The following STK11IP variants were observed in gnomAD, a reference collection of about 807,000 sequenced individuals.
The protein encoded by STK11IP is serine/threonine-protein kinase 11-interacting protein.
In STK11IP, 103 loss-of-function variants were observed where a neutral mutation model predicts 131.7. That is an observed-to-expected ratio of 0.78 (90% CI 0.67 to 0.92). The LOEUF (loss-of-function observed/expected upper bound fraction) is 0.92. STK11IP is among the 40% of genes least tolerant of loss of function. The probability of loss-of-function intolerance (pLI) is 0.00; values close to 1 mark genes in which losing one functional copy is unlikely to be tolerated. For synonymous variants in STK11IP, 557 were observed against 575.6 expected (o/e 0.97, Z 0.46); for missense variants, 1,315 against 1,385.7 (o/e 0.95, Z 0.81).
At chr2:219,608,547 C>T (rs1698280136) in intron 14 of STK11IP, 36 bp from the exon 15 acceptor site, 1 of 1,551,182 alleles carries the variant, frequency 6.4e-7, no homozygotes, top group Admixed American at 1.9e-5. Flanking sequence ...GGGTACTTTC[C>T]CTCCCTGCAG....
chr2:219,612,069 C>T lies in STK11IP; in HGVS notation c.2439+11C>T. 6.3e-7 allele frequency: 1 copy of T among 1,586,828 alleles called. No individual in the cohort carries two copies. Among genetic ancestry groups the T allele is most frequent in the Non-Finnish European group, 8.6e-7 (1 of 1,166,356 alleles). Reference sequence around the variant, plus strand: ...CAGTGCTGCCTCAAGGTCTGTGCTCCCTGACACTGCCCATGCCCCCAGCTG... The same window carrying T: ...CAGTGCTGCCTCAAGGTCTGTGCTCTCTGACACTGCCCATGCCCCCAGCTG... On this transcript the variant is annotated intron_variant, in intron 19 of 24. Transcript: ENST00000456909.
At chr2:219,612,134 C>A in intron 19 of STK11IP, 76 bp downstream of exon 19, 1 of 1,357,562 alleles carries the variant, frequency 7.4e-7, no homozygotes, top group Non-Finnish European at 1.0e-6. Flanking sequence ...CCAACTGAGT[C>A]AGATCAAGCA....
Position 219,612,056 on chromosome 2 carries a change from A to G in STK11IP, c.2437A>G (p.Lys813Glu). Reference sequence around the variant, plus strand: ...CCAGGAGGAGTTCCAGTGCTGCCTCAAGGTCTGTGCTCCCTGACACTGCCC... The same window carrying G: ...CCAGGAGGAGTTCCAGTGCTGCCTCGAGGTCTGTGCTCCCTGACACTGCCC... ...DAQEEFQCCL[K>E]VPVALAGHTG... Residue 813 changes from lysine to glutamate, a missense_variant and splice_region_variant, in exon 19 of 25, where the codon AAG becomes GAG. By Grantham distance (56) the Lys-to-Glu change is moderately conservative. Coordinates refer to ENST00000456909, the MANE Select transcript of STK11IP (RefSeq NM_052902.4). 6.3e-7 allele frequency: 1 copy of G among 1,598,078 alleles called. No homozygotes were observed. Among genetic ancestry groups the G allele is most frequent in the South Asian group, 1.1e-5 (1 of 88,036 alleles).
In STK11IP at chr2:219,606,308, G is replaced by A. The variant is rs1253041199; in HGVS notation, c.945+18G>A. 6.4e-7 allele frequency: 1 copy of A among 1,557,312 alleles called. No individual in the cohort carries two copies. Among genetic ancestry groups the A allele is most frequent in the Non-Finnish European group, 8.7e-7 (1 of 1,149,900 alleles). Reference sequence around the variant, plus strand: ...CTACTGGCGTGAGTGATCGTCCTGTGTCCACTCTTCTTCCCCTTTCCTGCC... The same window carrying A: ...CTACTGGCGTGAGTGATCGTCCTGTATCCACTCTTCTTCCCCTTTCCTGCC... On this transcript the variant is annotated intron_variant, in intron 10 of 24. Coordinates refer to ENST00000456909, the MANE Select transcript of STK11IP (RefSeq NM_052902.4).
In STK11IP at chr2:219,614,491, A is replaced by G. The variant is rs1698509763; in HGVS notation, c.2814A>G (p.Lys938=). 6.2e-7 allele frequency: 1 copy of G among 1,613,840 alleles called. No homozygotes were observed. Among genetic ancestry groups the G allele is most frequent in the Non-Finnish European group, 8.5e-7 (1 of 1,179,870 alleles). Residue 938 remains lysine, a synonymous_variant, in exon 23 of 25, where the codon AAA becomes AAG. Transcript: ENST00000456909. ...TTCCCTCTAGGCCATTGCTGGAAAA[A>G]GACTCATCCTTGGAGGCTCGCCAGT... ...PQHRLWPLLE[K]DSSLEARQFF...
intron 19 of STK11IP, among the ~76,000 whole-genome samples, chr2:219,612,339 G>A (rs971248563): frequency 6.6e-6 from 1 of 152,152 alleles, no homozygotes; most frequent in Non-Finnish European, 1.5e-5. Flanking sequence ...TCATCAATGG[G>A]GCCTCCTAGC....
rs537553052 is a variant in STK11IP, at chr2:219,609,294, G to A, written c.1927-69G>A. ...GGAAGTGGCAGCAGGCCTGAGGGCC[G>A]GGGGCCTGTGGGAGGTGTCCGTCTG... On this transcript the variant is annotated intron_variant, in intron 16 of 24. Coordinates refer to ENST00000456909, the MANE Select transcript of STK11IP (RefSeq NM_052902.4). 2.9e-5 allele frequency: 46 copies of A among 1,581,318 alleles called. No individual in the cohort carries two copies. In the African/African-American group the frequency reaches 3.5e-4, roughly 12 times the overall value.
At chr2:219,611,470 C>A in intron 17 of STK11IP, 134 bp from the exon 18 acceptor site, 1 of 719,248 alleles carries the variant, frequency 1.4e-6, no homozygotes, top group Non-Finnish European at 2.4e-6. Context: ...TGGCCTGGGG[C>A]GCGGTGGTTG....
rs752088652 is a variant in STK11IP, at chr2:219,601,970, C to T, written c.343-18C>T. On this transcript the variant is annotated intron_variant, in intron 4 of 24. Transcript: ENST00000456909. Reference sequence around the variant, plus strand: ...TCTGTGGGGTTCTGCCTTCCTCCCTCCTCTTTCCTTGTCCCAGCTCCGAGG... The same window carrying T: ...TCTGTGGGGTTCTGCCTTCCTCCCTTCTCTTTCCTTGTCCCAGCTCCGAGG... 7.2e-5 allele frequency: 115 copies of T among 1,599,008 alleles called. No homozygotes were observed. The highest frequency in any genetic ancestry group is 9.5e-5 in the Non-Finnish European group (111 of 1,171,850).
At chr2:219,614,582 C>T in intron 23 of STK11IP, 36 bp downstream of exon 23, 1 of 1,608,290 alleles carries the variant, frequency 6.2e-7, no homozygotes, top group South Asian at 1.1e-5. Context: ...TCCCTGGTCT[C>T]TGTACCCTAC....
rs556186228 is a variant in STK11IP, at chr2:219,598,047, C to A, written c.-26-47C>A. 71 of 1,560,218 alleles carry A rather than the reference C, an allele frequency of 4.6e-5. 1 individual carries two copies. The South Asian group carries it at 7.2e-4, about 16-fold the overall frequency. ...TTGCGCGGACGCCCTGGGCTTTTGG[C>A]ACTACCGCCCACCTGAGGCTCTTCC... On this transcript the variant is annotated intron_variant, in intron 1 of 24. Coordinates refer to ENST00000456909, the MANE Select transcript of STK11IP (RefSeq NM_052902.4).
chr2:219,614,424 A>G, intron 22 of STK11IP, 52 bp from the exon 23 acceptor site: 2 of 1,595,992 alleles, frequency 1.3e-6, no homozygotes, highest in Non-Finnish European at 1.7e-6. Flanking sequence ...CCTCTCTTCA[A>G]GTCCTTCCCA....
chr2:219,609,578 T>C, intron 17 of STK11IP, 38 bp downstream of exon 17: 1 of 1,550,634 alleles, frequency 6.4e-7, no homozygotes, highest in South Asian at 1.2e-5. Context: ...CCCACACGCC[T>C]CCCCTGTTCC....
rs746536283 is a variant in STK11IP, at chr2:219,615,203, C to T, written c.2979C>T (p.Gly993=). The part of the protein sequence containing the change: ...PAEPSPPAAS[G]EASEKVPPSG... ...AGCCCTCTCCTCCAGCAGCATCTGG[C>T]GAAGCCTCTGAGAAGGTGCCTCCCT... is the stretch of plus-strand genomic sequence containing the variant. The change falls in exon 24 of 25, where the codon GGC becomes GGT. Residue 993 remains glycine (G), a synonymous_variant. Transcript: ENST00000456909. The T allele has an allele frequency of 3.5e-5, 56 of 1,595,814 alleles. No individual in the cohort carries two copies. The highest frequency in any genetic ancestry group is 5.2e-5 in the Admixed American group (3 of 57,914).
chr2:219,611,953 A>G lies in STK11IP; in HGVS notation c.2336-2A>G. ...AGGCTGATGCCCCCTCATTGCCCTC[A>G]GCCCCTGAGCGCTGTGGCCTCCGCT... is the stretch of plus-strand genomic sequence containing the variant. On this transcript the variant is annotated splice_acceptor_variant, in intron 18 of 24. Coordinates refer to ENST00000456909, the MANE Select transcript of STK11IP (RefSeq NM_052902.4). LOFTEE classifies it high-confidence loss of function. 6.3e-7 allele frequency: 1 copy of G among 1,591,384 alleles called. No homozygotes were observed.
chr2:219,606,055 G>T lies in STK11IP; in HGVS notation c.845G>T (p.Arg282Leu), dbSNP rs370599212. The T allele has an allele frequency of 4.3e-5, 69 of 1,598,728 alleles. No homozygotes were observed. The highest frequency in any genetic ancestry group is 5.5e-5 in the Non-Finnish European group (64 of 1,172,740). The change falls in exon 9 of 25, where the codon CGC becomes CTC. Residue 282 changes from arginine to leucine, a missense_variant. Arg to Leu is a moderately radical substitution (Grantham distance 102). Coordinates refer to ENST00000456909, the MANE Select transcript of STK11IP (RefSeq NM_052902.4). Reference sequence around the variant, plus strand: ...CCACTGTGGCTGCTGGCTGAGCTCCGCAAGGTGAGATGGGAATGCATCAGG... The same window carrying T: ...CCACTGTGGCTGCTGGCTGAGCTCCTCAAGGTGAGATGGGAATGCATCAGG... ...LSPLWLLAEL[R>L]KLYLEGNPLW... is the part of the protein sequence containing the mutation.
In STK11IP at chr2:219,609,400, C is replaced by T. The variant is rs750332959; in HGVS notation, c.1964C>T (p.Ala655Val). 6.2e-7 allele frequency: 1 copy of T among 1,613,702 alleles called. No individual in the cohort carries two copies. The highest frequency in any genetic ancestry group is 8.5e-7 in the Non-Finnish European group (1 of 1,179,866). ...LAVLTPVTNVAREQLGEARDL... is the reference protein window; with the variant it reads ...LAVLTPVTNVVREQLGEARDL... Reference sequence around the variant, plus strand: ...GTGTTGACCCCAGTCACCAATGTGGCTCGGGAACAGCTTGGGGAGGCCAGG... The same window carrying T: ...GTGTTGACCCCAGTCACCAATGTGGTTCGGGAACAGCTTGGGGAGGCCAGG... Residue 655 changes from alanine (A) to valine (V), a missense_variant, in exon 17 of 25, where the codon GCT (alanine) becomes GTT (valine). Physicochemically the swap from Ala to Val is moderately conservative, Grantham distance 64. Transcript: ENST00000456909.
Position 219,602,563 on chromosome 2 carries a change from A to G in STK11IP, c.534A>G (p.Leu178=). ...ANFSYNALTA[L]DSSLRLLSAL... is the part of the protein sequence containing the mutation. The stretch of plus-strand genomic sequence containing the variant: ...TCAGCTACAATGCACTGACCGCCTT[A>G]GACAGCTCCCTGGTGAGTGCCTCAG... The change falls in exon 6 of 25, where the codon TTA becomes TTG. Residue 178 remains leucine (L), a synonymous_variant. Transcript: ENST00000456909. 2 of 1,614,022 alleles carry G rather than the reference A, an allele frequency of 1.2e-6. No individual in the cohort carries two copies. Among genetic ancestry groups the G allele is most frequent in the African/African-American group, 1.3e-5 (1 of 75,070 alleles).
rs372923068 is a variant in STK11IP at position 219,602,137 on chromosome 2, C to T, written c.438+54C>T. The T allele has an allele frequency of 1.4e-4, 188 of 1,337,928 alleles. 1 individual carries two copies. In the African/African-American group the frequency reaches 2.0e-3, roughly 14 times the overall value. 82.9% of individuals were successfully genotyped at this position (1,337,928 alleles called of 1,614,324 possible). ...ACCTCAACTTGAGAGATGTAGAAGA[C>T]CAAGCTCTGATGTTCTCCCCTCTCT... On this transcript the variant is annotated intron_variant, in intron 5 of 24. Coordinates refer to ENST00000456909, the MANE Select transcript of STK11IP (RefSeq NM_052902.4).
Sources: gnomAD v4.1 joint callset for allele counts (sites outside exome capture counted in the v4.1 genomes callset) on GRCh38, gnomAD v4.1.1 for gene constraint, MANE v1.5 for transcripts, NCBI Gene and HGNC (gene_info 2026-07-23, HGNC 2026-07-21) for gene names.